The following C21orf58 variants were observed in gnomAD, a reference collection of about 807,000 sequenced individuals.
C21orf58 encodes uncharacterized protein C21orf58.
In C21orf58, 34 loss-of-function variants were observed where a neutral mutation model predicts 35.8. The ratio of observed to expected loss-of-function variants is 0.95; its 90% CI spans 0.72 to 1.26. The LOEUF is 1.26. Ranked by LOEUF, C21orf58 falls within the 50% of genes most tolerant of loss-of-function variation. C21orf58 has a pLI of 0.00. For missense variants in C21orf58, 440 were observed against 414.3 expected (o/e 1.06, Z -0.54); for synonymous variants, 191 against 175.8 (o/e 1.09, Z -0.68).
intron 6 of C21orf58, among the ~76,000 whole-genome samples, chr21:46,303,743 ATATTTTTTTTTTTT>A (rs1256677063): frequency 1.7e-3 from 33 of 19,592 alleles, no homozygotes; most frequent in African/African-American, 3.2e-3. Flanking sequence ...ATATATATAT[ATATTTTTTTTTTTT>A]TTTTTTTTTT....
At chr21:46,314,134 T>TTTTTTTTTTGTTTG (rs1428207673) in intron 5 of C21orf58, among the ~76,000 whole-genome samples, 14 of 151,728 alleles carry the variant, frequency 9.2e-5, no homozygotes, top group Admixed American at 5.3e-4. Context: ...TGATAAAGTT[T>TTTTTTTTTTGTTTG]TTTTTTTGAG....
chr21:46,320,234 C>G (rs2083109949), intron 1 of C21orf58, among the ~76,000 whole-genome samples: 1 of 151,982 alleles, frequency 6.6e-6, no homozygotes, highest in Non-Finnish European at 1.5e-5. Flanking sequence ...TCCCGAGTAG[C>G]TGGGAGTACA....
intron 6 of C21orf58, among the ~76,000 whole-genome samples, chr21:46,305,706 G>A (rs2082384716): frequency 6.6e-6 from 1 of 152,154 alleles, no homozygotes; most frequent in African/African-American, 2.4e-5. Flanking sequence ...TTGGGAGGCT[G>A]AGGTGGGCGG....
At chr21:46,321,430 C>T (rs1249340248) in intron 1 of C21orf58, among the ~76,000 whole-genome samples, 1 of 152,162 alleles carries the variant, frequency 6.6e-6, no homozygotes, top group African/African-American at 2.4e-5. Context: ...TTGACAGTTT[C>T]CTTAGGTTTG....
intron 6 of C21orf58, 83 bp downstream of exon 6, chr21:46,311,373 G>T: frequency 1.4e-6 from 1 of 708,464 alleles, no homozygotes; most frequent in Non-Finnish European, 2.2e-6. Context: ...CTGGCCCTAA[G>T]TGACTGTCCT....
chr21:46,303,745 A>ATATATT (rs2082273893), intron 6 of C21orf58, among the ~76,000 whole-genome samples: 2 of 23,816 alleles, frequency 8.4e-5, no homozygotes, highest in Non-Finnish European at 1.4e-4. Context: ...ATATATATAT[A>ATATATT]TTTTTTTTTT....
At chr21:46,304,621 A>C (rs1424981868) in intron 6 of C21orf58, among the ~76,000 whole-genome samples, 1 of 152,224 alleles carries the variant, frequency 6.6e-6, no homozygotes, top group Non-Finnish European at 1.5e-5. Context: ...TGAAAATGCC[A>C]AGTGTTGGTG....
chr21:46,311,392 G>A (rs1354239837), intron 6 of C21orf58, 64 bp downstream of exon 6: 2 of 967,872 alleles, frequency 2.1e-6, no homozygotes, highest in South Asian at 1.9e-5. Flanking sequence ...CTGCTTCCAG[G>A]AACATTTTCC....
At position 46,318,117 on chromosome 21, in the gene C21orf58, CCCACCTCCCT is replaced by C; in HGVS notation, c.194_203del (p.Glu65GlyfsTer26). ...ACTGTAGGGGCAGGGGAGGCCACAG[CCCACCTCCCT>C]CCCTGGTTCTGTTACTCGCAGGAAA... On this transcript the variant is annotated frameshift_variant, in exon 2 of 8. Coordinates refer to ENST00000291691, the MANE Select transcript of C21orf58 (RefSeq NM_058180.5). LOFTEE classifies it high-confidence loss of function. The C allele has an allele frequency of 6.2e-7, 1 of 1,613,150 alleles. No homozygotes were observed. Among genetic ancestry groups the C allele is most frequent in the Non-Finnish European group, 8.5e-7 (1 of 1,180,000 alleles).
rs1212442505 is a variant in C21orf58 at position 46,315,526 on chromosome 21, T to C, written c.392A>G (p.Asp131Gly). ...TCTCTTCAGAGCAGTCTGCAGGGCA[T>C]CGTCCGGCCGGTCCTCATTTCCTGG... The part of the protein sequence containing the change: ...LEPGNEDRPD[D>G]ALQTALKRRR... Residue 131 changes from aspartate (D) to glycine (G), a missense_variant, in exon 4 of 8, where the codon GAT (aspartate) becomes GGT (glycine). Physicochemically the swap from Asp to Gly is moderately conservative, Grantham distance 94. Transcript: ENST00000291691. 6.2e-7 allele frequency: 1 copy of C among 1,611,960 alleles called. No individual in the cohort carries two copies. The highest frequency in any genetic ancestry group is 8.5e-7 in the Non-Finnish European group (1 of 1,178,456).
chr21:46,307,342 T>C (rs1403655031), intron 6 of C21orf58, among the ~76,000 whole-genome samples: 2 of 152,094 alleles, frequency 1.3e-5, no homozygotes, highest in Non-Finnish European at 2.9e-5. Context: ...CTGCATTTTC[T>C]CTCATATGGC....
intron 1 of C21orf58, among the ~76,000 whole-genome samples, chr21:46,319,976 G>A (rs1311498324): frequency 6.6e-6 from 1 of 152,142 alleles, no homozygotes. Context: ...GTCATTAACA[G>A]TGACAGTCTT....
At chr21:46,302,940 G>A (rs1319899741) in intron 6 of C21orf58, among the ~76,000 whole-genome samples, 1 of 145,020 alleles carries the variant, frequency 6.9e-6, no homozygotes, top group African/African-American at 2.5e-5. Context: ...GGGTCCCCGG[G>A]GCGCGCCCTG....
At chr21:46,320,205 T>C (rs1000641965) in intron 1 of C21orf58, among the ~76,000 whole-genome samples, 2 of 151,702 alleles carry the variant, frequency 1.3e-5, no homozygotes, top group Non-Finnish European at 1.5e-5. Flanking sequence ...CGGGTTCAAG[T>C]GATTCTCCTG....
chr21:46,320,079 C>T (rs1413232603), intron 1 of C21orf58, among the ~76,000 whole-genome samples: 2 of 151,858 alleles, frequency 1.3e-5, no homozygotes, highest in Non-Finnish European at 2.9e-5. Context: ...TATAAGTGAC[C>T]TCATCTGAGA....
chr21:46,307,361 A>T (rs2082467546), intron 6 of C21orf58, among the ~76,000 whole-genome samples: 1 of 152,052 alleles, frequency 6.6e-6, no homozygotes, highest in Non-Finnish European at 1.5e-5. Context: ...GCATACAAGC[A>T]TAGGCACACA....
At chr21:46,311,412 G>T in intron 6 of C21orf58, 44 bp downstream of exon 6, 1 of 1,190,752 alleles carries the variant, frequency 8.4e-7, no homozygotes, top group Non-Finnish European at 1.2e-6. Flanking sequence ...CCTTTCAGTA[G>T]ATAATTTCCT....
intron 5 of C21orf58, among the ~76,000 whole-genome samples, chr21:46,313,891 C>A (rs552346832): frequency 1.3e-5 from 2 of 152,310 alleles, no homozygotes; most frequent in East Asian, 3.9e-4. Context: ...ACCTTCCCTG[C>A]ACCCCAGTCA....
chr21:46,318,653 T>C (rs1601705592), intron 1 of C21orf58: 30 of 1,074,034 alleles, frequency 2.8e-5, no homozygotes, highest in Non-Finnish European at 3.4e-5. Flanking sequence ...GAGGACAGGG[T>C]GAGGAGACTG....
Sources: allele counts gnomAD v4.1 joint callset (sites outside exome capture counted in the v4.1 genomes callset), GRCh38; gene constraint gnomAD v4.1.1; transcripts MANE v1.5; gene names NCBI Gene and HGNC (gene_info 2026-07-23, HGNC 2026-07-21).